The following TBC1D22A variants were observed in gnomAD, a reference collection of about 807,000 sequenced individuals.
The protein encoded by TBC1D22A is TBC1 domain family member 22A, also known as putative GTPase activator.
Under a neutral mutation model 60.2 loss-of-function variants are expected in TBC1D22A, and 38 were observed. The observed-to-expected ratio is 0.63, with a 90% CI of 0.49 to 0.83. TBC1D22A has a LOEUF of 0.83. TBC1D22A is among the 40% of genes least tolerant of loss of function. The pLI is 0.00. For missense variants in TBC1D22A, 628 were observed against 701.0 expected (o/e 0.90, Z 1.18); for synonymous variants, 302 against 281.7 (o/e 1.07, Z -0.72).
At chr22:46,795,694 A>C (rs1252581618) in intron 3 of TBC1D22A, among the ~76,000 whole-genome samples, 4 of 152,214 alleles carry the variant, frequency 2.6e-5, no homozygotes, top group African/African-American at 7.2e-5. Flanking sequence ...TGGCAGGTAC[A>C]GTATCAAGTC....
At chr22:47,035,614 A>G (rs2062630592) in intron 10 of TBC1D22A, among the ~76,000 whole-genome samples, 1 of 152,174 alleles carries the variant, frequency 6.6e-6, no homozygotes, top group African/African-American at 2.4e-5. Context: ...TGCCCTGGTC[A>G]GCTGAGGACA....
At chr22:46,774,281 A>G in intron 1 of TBC1D22A, 2 of 985,214 alleles carry the variant, frequency 2.0e-6, no homozygotes, top group Non-Finnish European at 2.4e-6. Context: ...CTTTGCAGAC[A>G]AGAGGCAGAG....
chr22:46,789,707 G>A (rs801604), intron 1 of TBC1D22A, among the ~76,000 whole-genome samples: 89,257 of 152,078 alleles, frequency 0.59, 26,427 homozygotes, highest in African/African-American at 0.68. Context: ...ATATTTTAAC[G>A]TTAAAGATGA....
At chr22:46,896,745 C>T (rs2068699653) in intron 7 of TBC1D22A, among the ~76,000 whole-genome samples, 1 of 152,182 alleles carries the variant, frequency 6.6e-6, no homozygotes, top group South Asian at 2.1e-4. Flanking sequence ...CGTCCTCCTA[C>T]CTGGTGGGGG....
chr22:47,018,879 A>G (rs1213815552), intron 10 of TBC1D22A, among the ~76,000 whole-genome samples: 1 of 148,614 alleles, frequency 6.7e-6, no homozygotes, highest in Non-Finnish European at 1.5e-5. Flanking sequence ...GGAATTCAGT[A>G]TGTGGCATAC....
In TBC1D22A at chr22:47,081,588, T is replaced by C. The variant is rs528133502; in HGVS notation, c.1330-29920T>C. On this transcript the variant is annotated intron_variant, in intron 11 of 12. Transcript: ENST00000337137. ...TATATAGATAGAAAAAATTTAAGAA[T>C]CTACCAGAAAAAGTGGATGCAGGAT... is the stretch of plus-strand genomic sequence containing the variant. Among the ~76,000 whole-genome samples, 51 of 152,194 alleles carry C rather than the reference T, an allele frequency of 3.4e-4. No individual in the cohort carries two copies. In the South Asian group the frequency reaches 3.9e-3, roughly 12 times the overall value.
At chr22:46,779,719 A>T (rs1276429985) in intron 1 of TBC1D22A, among the ~76,000 whole-genome samples, 2 of 152,178 alleles carry the variant, frequency 1.3e-5, no homozygotes, top group Non-Finnish European at 2.9e-5. Flanking sequence ...CTCAGCCCCT[A>T]CTGGGTTCTC....
At chr22:46,945,733 C>T (rs1291753587) in intron 8 of TBC1D22A, among the ~76,000 whole-genome samples, 2 of 152,180 alleles carry the variant, frequency 1.3e-5, no homozygotes, top group South Asian at 2.1e-4. Context: ...TCAGGGCACA[C>T]ACTTTGCTGA....
chr22:46,858,814 C>T (rs1284632085), intron 4 of TBC1D22A, among the ~76,000 whole-genome samples: 6 of 152,216 alleles, frequency 3.9e-5, no homozygotes, highest in African/African-American at 1.4e-4. Flanking sequence ...GTTTTTCCCT[C>T]TATGAATTGG....
chr22:46,828,234 C>T (rs1010708616), intron 4 of TBC1D22A, among the ~76,000 whole-genome samples: 4 of 152,060 alleles, frequency 2.6e-5, no homozygotes, highest in African/African-American at 9.7e-5. Context: ...GATTTCTCAC[C>T]CACGGATTAA....
intron 12 of TBC1D22A, among the ~76,000 whole-genome samples, chr22:47,131,533 T>C (rs2066678584): frequency 6.6e-6 from 1 of 152,196 alleles, no homozygotes; most frequent in Non-Finnish European, 1.5e-5. Flanking sequence ...CCATGTGATC[T>C]GTGACTCCAT....
At chr22:46,947,175 T>C (rs1280023337) in intron 8 of TBC1D22A, among the ~76,000 whole-genome samples, 36 of 152,004 alleles carry the variant, frequency 2.4e-4, no homozygotes, top group Admixed American at 2.4e-3. Flanking sequence ...AGGTCCCCAG[T>C]TTGAATGGGG....
chr22:46,822,939 C>T (rs1238178284), intron 4 of TBC1D22A, among the ~76,000 whole-genome samples: 1 of 152,052 alleles, frequency 6.6e-6, no homozygotes, highest in Non-Finnish European at 1.5e-5. Flanking sequence ...TGGGGAGCTC[C>T]CCAAGCCAGA....
At chr22:46,769,907 G>A (rs973606624) in intron 1 of TBC1D22A, among the ~76,000 whole-genome samples, 7 of 152,228 alleles carry the variant, frequency 4.6e-5, no homozygotes, top group South Asian at 2.1e-4. Flanking sequence ...ACTGATGGGC[G>A]GGGTGCTGGG....
At chr22:46,947,288 A>G (rs2072607253) in intron 8 of TBC1D22A, among the ~76,000 whole-genome samples, 1 of 151,876 alleles carries the variant, frequency 6.6e-6, no homozygotes, top group Non-Finnish European at 1.5e-5. Context: ...CTCTGTCTGG[A>G]CCCAGATGTG....
In TBC1D22A at chr22:46,825,110, C is replaced by T. The variant is rs189746913; in HGVS notation, c.637+27490C>T. Among the ~76,000 whole-genome samples, 179 of 152,244 alleles carry T rather than the reference C, an allele frequency of 1.2e-3. 2 individuals carry two copies. Among genetic ancestry groups the T allele is most frequent in the Admixed American group, 0.011 (170 of 15,296 alleles). ...GGGTGGTGCCTGTGTTTTCCCTTAA[C>T]GCAAGGCATTTGCGTGTGCAGCAGG... On this transcript the variant is annotated intron_variant, in intron 4 of 12. Transcript: ENST00000337137.
chr22:46,979,646 A>G (rs933355753), intron 9 of TBC1D22A, among the ~76,000 whole-genome samples: 1 of 152,162 alleles, frequency 6.6e-6, no homozygotes, highest in Non-Finnish European at 1.5e-5. Flanking sequence ...CCTGAAGTGA[A>G]ACAGCCTTTT....
chr22:46,837,263 G>T (rs1383640021), intron 4 of TBC1D22A, among the ~76,000 whole-genome samples: 1 of 152,186 alleles, frequency 6.6e-6, no homozygotes, highest in African/African-American at 2.4e-5. Context: ...TATATTAACA[G>T]AATTTAAGGA....
In TBC1D22A at chr22:47,174,412, C is replaced by T. The variant is rs911183182; in HGVS notation, c.*786C>T. 2.6e-5 allele frequency: 4 copies of T among 152,320 alleles called. No individual in the cohort carries two copies. The highest frequency in any genetic ancestry group is 7.2e-5 in the African/African-American group (3 of 41,470). 9.4% of individuals were successfully genotyped at this position (152,320 alleles called of 1,614,324 possible). A position where few individuals can be genotyped will look rare whatever the true frequency, so the allele number is the denominator to read the frequency against. On this transcript the variant is annotated 3_prime_UTR_variant, in exon 13 of 13. Transcript: ENST00000337137. ...GTAGGCGCCGGCCTCAGCCAGAGCC[C>T]CTGGAGGCCCACCCAGGCTGTCGGG...
Sources: allele counts gnomAD v4.1 joint callset (sites outside exome capture counted in the v4.1 genomes callset), GRCh38; gene constraint gnomAD v4.1.1; transcripts MANE v1.5; gene names NCBI Gene and HGNC (gene_info 2026-07-23, HGNC 2026-07-21).